ENOX2: variants seen among roughly 807,000 people sequenced by gnomAD.
ENOX2 encodes the protein APK1 antigen.
Under a neutral mutation model 45.0 loss-of-function variants are expected in ENOX2, and 36 were observed. The ratio of observed to expected loss-of-function variants is 0.80; its 90% CI spans 0.61 to 1.06. The LOEUF (loss-of-function observed/expected upper bound fraction) is 1.06, where lower values mean the gene tolerates loss of function less well. Among genes scored for constraint, ENOX2 ranks in the 50% least tolerant of loss-of-function variants. The probability of loss-of-function intolerance (pLI) is 0.00; values close to 1 mark genes in which losing one functional copy is unlikely to be tolerated. For missense variants in ENOX2, 423 were observed against 462.5 expected, an observed-to-expected ratio of 0.91 and a Z score of 0.78; for synonymous variants, 174 against 152.3, an observed-to-expected ratio of 1.14 and a Z score of -1.05.
intron 2 of ENOX2, among the ~76,000 whole-genome samples, chrX:130,848,145 T>C (rs759630570): frequency 8.0e-5 from 9 of 112,081 alleles, no homozygotes; most frequent in South Asian, 3.7e-4. Context: ...AACTGTACAA[T>C]AAATATGATT....
At chrX:130,674,163 T>C (rs763045495) in intron 6 of ENOX2, among the ~76,000 whole-genome samples, 9 of 110,505 alleles carry the variant, frequency 8.1e-5, no homozygotes, top group Admixed American at 4.8e-4. Flanking sequence ...GGGAGGGGAA[T>C]GAGGGTTGAA....
intron 6 of ENOX2, among the ~76,000 whole-genome samples, chrX:130,676,268 CAGAA>C (rs2037147765): frequency 9.0e-6 from 1 of 110,754 alleles, no homozygotes; most frequent in East Asian, 2.8e-4. Context: ...CCAATTCCAT[CAGAA>C]AAAAAATGAA....
chrX:130,822,890 G>T (rs1169228526), intron 2 of ENOX2, among the ~76,000 whole-genome samples: 1 of 112,382 alleles, frequency 8.9e-6, no homozygotes, highest in East Asian at 2.8e-4. Flanking sequence ...CACATTTAAA[G>T]TAGTAGGCTA....
intron 2 of ENOX2, among the ~76,000 whole-genome samples, chrX:130,844,547 G>A (rs184487511): frequency 2.7e-5 from 3 of 111,704 alleles, no homozygotes; most frequent in African/African-American, 9.8e-5. Flanking sequence ...ATCGTTACAC[G>A]ATAAAAAATT....
chrX:130,897,903 G>T (rs145956688), intron 2 of ENOX2, among the ~76,000 whole-genome samples: 4 of 112,514 alleles, frequency 3.6e-5, no homozygotes, highest in Non-Finnish European at 5.6e-5. Flanking sequence ...AGGGAAGCAG[G>T]CTGGAAGCAG....
chrX:130,788,494 T>C (rs989636748), intron 2 of ENOX2, among the ~76,000 whole-genome samples: 2 of 111,719 alleles, frequency 1.8e-5, no homozygotes, highest in African/African-American at 3.3e-5. Flanking sequence ...CTCCCAGGCA[T>C]TCAGCTTGCT....
intron 2 of ENOX2, among the ~76,000 whole-genome samples, chrX:130,820,217 A>T (rs898480584): frequency 8.9e-6 from 1 of 112,487 alleles, no homozygotes; most frequent in Non-Finnish European, 1.9e-5. Context: ...AAGATGCTCA[A>T]TGTTACTAAT....
intron 2 of ENOX2, among the ~76,000 whole-genome samples, chrX:130,897,904 C>G (rs1371678594): frequency 8.9e-6 from 1 of 112,266 alleles, no homozygotes; most frequent in Non-Finnish European, 1.9e-5. Flanking sequence ...GGGAAGCAGG[C>G]TGGAAGCAGC....
At chrX:130,734,559 T>C (rs1158019275) in intron 3 of ENOX2, among the ~76,000 whole-genome samples, 1 of 111,715 alleles carries the variant, frequency 9.0e-6, no homozygotes, top group Non-Finnish European at 1.9e-5. Flanking sequence ...TCCATGTGTC[T>C]GGGTAATTGG....
At position 130,869,787 on chromosome X, in the gene ENOX2, T is replaced by C. The variant is rs772072317; in HGVS notation, c.-183+31897A>G. Among the ~76,000 whole-genome samples the C allele has an allele frequency of 2.7e-5, 3 of 112,124 alleles. No individual in the cohort carries two copies. The East Asian group carries it at 8.4e-4, about 31-fold the overall frequency. The stretch of plus-strand genomic sequence containing the variant: ...GATCAAATATCATTCTTGAGCTACC[T>C]TCTCTTGCTACCTCCTTCCCCAGGT... On this transcript the variant is annotated intron_variant, in intron 2 of 14. Coordinates refer to ENST00000394363, the MANE Select transcript of ENOX2 (RefSeq NM_006375.4).
At chrX:130,796,690 C>T (rs1035024503) in intron 2 of ENOX2, among the ~76,000 whole-genome samples, 2 of 111,747 alleles carry the variant, frequency 1.8e-5, no homozygotes, top group Non-Finnish European at 1.9e-5. Context: ...GATTCCTTTG[C>T]TTTCTCCTTT....
Position 130,635,074 on chromosome X carries a change from T to C in ENOX2, c.1329A>G (p.Gln443=). 1 of 1,156,204 alleles carries C rather than the reference T, an allele frequency of 8.6e-7. No homozygotes were observed. Among genetic ancestry groups the C allele is most frequent in the Middle Eastern group, 2.4e-4 (1 of 4,179 alleles). The change falls in exon 12 of 15, where the codon CAA becomes CAG. Residue 443 remains glutamine (Q), a synonymous_variant. Coordinates refer to ENST00000394363, the MANE Select transcript of ENOX2 (RefSeq NM_006375.4). ...CAGCTTCTTTCTTTTTGTATTCCTCTTGGACTTTGAGTAGATGCTACAAGA... is the reference window on the plus strand; with the variant it reads ...CAGCTTCTTTCTTTTTGTATTCCTCCTGGACTTTGAGTAGATGCTACAAGA... ...QGMQQHLLKV[Q]EEYKKKEAEL... is the part of the protein sequence containing the mutation.
At chrX:130,727,066 CAGTA>C (rs2038624276) in intron 3 of ENOX2, among the ~76,000 whole-genome samples, 1 of 112,160 alleles carries the variant, frequency 8.9e-6, no homozygotes, top group Admixed American at 9.4e-5. Flanking sequence ...AGGAATAAGA[CAGTA>C]AGTAAATGAA....
chrX:130,674,109 A>G (rs1282173705), intron 6 of ENOX2, among the ~76,000 whole-genome samples: 1 of 111,516 alleles, frequency 9.0e-6, no homozygotes, highest in Admixed American at 9.5e-5. Context: ...GGGTACACAT[A>G]AAGATAGATA....
intron 3 of ENOX2, among the ~76,000 whole-genome samples, chrX:130,722,040 A>G (rs1292194596): frequency 8.9e-6 from 1 of 111,893 alleles, no homozygotes; most frequent in Non-Finnish European, 1.9e-5. Context: ...TAAATGGCAC[A>G]TTATTACATG....
chrX:130,837,951 G>C (rs1325435626), intron 2 of ENOX2, among the ~76,000 whole-genome samples: 2 of 111,753 alleles, frequency 1.8e-5, no homozygotes, highest in African/African-American at 3.3e-5. Context: ...CAATCCTCTT[G>C]TTCATATCAG....
In ENOX2 at chrX:130,819,607, C is replaced by T. The variant is rs190095195; in HGVS notation, c.-182-35917G>A. ...GATGAAGCTGGAAAGCATCCTTCTC[C>T]GCAAACTAACACAGGAACAGAAAAC... On this transcript the variant is annotated intron_variant, in intron 2 of 14. Coordinates refer to ENST00000394363, the MANE Select transcript of ENOX2 (RefSeq NM_006375.4). Among the ~76,000 whole-genome samples the T allele has an allele frequency of 1.3e-4, 14 of 111,506 alleles. No individual in the cohort carries two copies. In the East Asian group the frequency reaches 1.4e-3, roughly 11 times the overall value.
chrX:130,767,420 AT>A (rs1369226031), intron 3 of ENOX2, among the ~76,000 whole-genome samples: 2 of 111,726 alleles, frequency 1.8e-5, no homozygotes, highest in East Asian at 5.6e-4. Context: ...TCACTGGAAT[AT>A]GGACAATCTC....
chrX:130,625,556 G>T, intron 14 of ENOX2, 111 bp from the exon 15 acceptor site: 1 of 785,087 alleles, frequency 1.3e-6, no homozygotes. Context: ...TGCTGCAGGG[G>T]CGTTTAACCT....
Sources: gnomAD v4.1 joint callset for allele counts (sites outside exome capture counted in the v4.1 genomes callset) on GRCh38, gnomAD v4.1.1 for gene constraint, MANE v1.5 for transcripts, NCBI Gene and HGNC (gene_info 2026-07-23, HGNC 2026-07-21) for gene names.